Variants in SGO1 observed in about 807,000 individuals in gnomAD.
SGO1 encodes serologically defined breast cancer antigen NY-BR-85.
A neutral mutation model predicts 50.5 loss-of-function variants in SGO1; 39 were observed. The observed-to-expected ratio is 0.77, with a 90% confidence interval of 0.60 to 1.01. The LOEUF (loss-of-function observed/expected upper bound fraction) is 1.01. Among genes scored for constraint, SGO1 ranks in the 50% least tolerant of loss-of-function variants. The pLI is 0.00. For missense variants in SGO1, 638 were observed against 606.0 expected (o/e 1.05, Z -0.55); for synonymous variants, 191 against 205.1 (o/e 0.93, Z 0.59).
At position 20,174,945 on chromosome 3, in the gene SGO1, T is replaced by C; in HGVS notation, c.586A>G (p.Lys196Glu). The C allele has an allele frequency of 6.2e-7, 1 of 1,614,084 alleles. No homozygotes were observed. The highest frequency in any genetic ancestry group is 1.7e-4 in the Middle Eastern group (1 of 6,060). The part of the protein sequence containing the change: ...PRTVSVRSSL[K>E]KHCNSICQFD... ...TGACATATACTGTTACAATGTTTCT[T>C]TAAACTGCTACGAACAGATACAGTT... Residue 196 changes from lysine to glutamate, a missense_variant, in exon 6 of 8, where the codon AAG (lysine) becomes GAG (glutamate). Lys to Glu is a moderately conservative substitution (Grantham distance 56). Transcript: ENST00000412997.
chr3:20,185,922 G>A (rs1350875339), intron 1 of SGO1, 26 bp downstream of exon 1: 1 of 152,164 alleles, frequency 6.6e-6, no homozygotes, highest in Non-Finnish European at 1.5e-5. Context: ...AAGTCAAACA[G>A]GGATCACTAC....
chr3:20,169,274 G>A (rs937446968), downstream of SGO1: 107 of 985,020 alleles, frequency 1.1e-4, no homozygotes, highest in Non-Finnish European at 1.3e-4. Flanking sequence ...AGTTGGGAGA[G>A]AGAAGTGTTA....
intron 8 of SGO1, among the ~76,000 whole-genome samples, chr3:20,163,367 G>T (rs1700136979): frequency 6.6e-6 from 1 of 152,102 alleles, no homozygotes; most frequent in Non-Finnish European, 1.5e-5. Flanking sequence ...TTTTCTTGGA[G>T]TTAGTTCTAA....
downstream of SGO1, among the ~76,000 whole-genome samples, chr3:20,165,366 C>T (rs1039455490): frequency 6.6e-6 from 1 of 152,174 alleles, no homozygotes; most frequent in East Asian, 1.9e-4. Flanking sequence ...CCCCCAGCAA[C>T]ACTGGGGATC....
At chr3:20,162,823 G>A (rs1198348655) in intron 8 of SGO1, among the ~76,000 whole-genome samples, 1 of 150,822 alleles carries the variant, frequency 6.6e-6, no homozygotes, top group Admixed American at 6.6e-5. Context: ...ACAATATCAT[G>A]ACAGAAAAAA....
chr3:20,163,821 T>A (rs1700163231), intron 8 of SGO1, among the ~76,000 whole-genome samples: 1 of 152,174 alleles, frequency 6.6e-6, no homozygotes, highest in South Asian at 2.1e-4. Context: ...ATATTATGAA[T>A]AACATGTCTA....
In SGO1 at chr3:20,174,251, G is replaced by C; in HGVS notation, c.1280C>G (p.Thr427Ser). Residue 427 changes from threonine (T) to serine (S), a missense_variant and splice_region_variant, in exon 6 of 8, where the codon ACC (threonine) becomes AGC (serine). Coordinates refer to ENST00000412997, the MANE Select transcript of SGO1 (RefSeq NM_001199251.3). ...TEGSKPTKTP[T>S]TTPPETQQSP... ...AGGTAAACAAGTAGATCACTTACTG[G>C]TAGGAGTTTTTGTTGGCTTAGAACC... 6.2e-7 allele frequency: 1 copy of C among 1,610,284 alleles called. No individual in the cohort carries two copies. The highest frequency in any genetic ancestry group is 8.5e-7 in the Non-Finnish European group (1 of 1,176,978).
At chr3:20,176,464 A>G (rs1271679069) in intron 5 of SGO1, 137 bp downstream of exon 5, 1 of 584,134 alleles carries the variant, frequency 1.7e-6, no homozygotes, top group Non-Finnish European at 3.0e-6. Flanking sequence ...AAATAAACAG[A>G]TTTGCTTTGA....
chr3:20,172,339 T>C (rs1047402494), intron 6 of SGO1, among the ~76,000 whole-genome samples: 2 of 152,020 alleles, frequency 1.3e-5, no homozygotes, highest in Admixed American at 6.6e-5. Context: ...CTGTCTCTAC[T>C]AAAAATACAA....
At chr3:20,172,641 C>T (rs1156665667) in intron 6 of SGO1, among the ~76,000 whole-genome samples, 2 of 151,298 alleles carry the variant, frequency 1.3e-5, no homozygotes, top group African/African-American at 2.4e-5. Flanking sequence ...CGTTTAAAAA[C>T]GTATTTTTTA....
intron 1 of SGO1, 24 bp downstream of exon 1, chr3:20,185,924 G>C (rs978851141): frequency 1.3e-5 from 2 of 152,140 alleles, no homozygotes; most frequent in Non-Finnish European, 1.5e-5. Context: ...GTCAAACAGG[G>C]ATCACTACGC....
chr3:20,178,804 C>T (rs1200362897), intron 3 of SGO1, among the ~76,000 whole-genome samples: 2 of 152,138 alleles, frequency 1.3e-5, no homozygotes, highest in African/African-American at 2.4e-5. Context: ...AACATAGTCA[C>T]TGAGAACAGT....
downstream of SGO1, among the ~76,000 whole-genome samples, chr3:20,165,584 T>C (rs1391438986): frequency 1.3e-5 from 2 of 152,028 alleles, no homozygotes; most frequent in Non-Finnish European, 2.9e-5. Flanking sequence ...CATGAAAACA[T>C]AGAAAGATAA....
At chr3:20,175,973 G>A (rs1701342918) in intron 5 of SGO1, among the ~76,000 whole-genome samples, 1 of 152,118 alleles carries the variant, frequency 6.6e-6, no homozygotes, top group African/African-American at 2.4e-5. Context: ...TGAATAACTA[G>A]AAAGCTTCTC....
At chr3:20,170,889 T>A in intron 7 of SGO1, 74 bp from the exon 8 acceptor site, 1 of 1,526,154 alleles carries the variant, frequency 6.6e-7, no homozygotes, top group Non-Finnish European at 8.8e-7. Context: ...TACCAAGTTA[T>A]GGTAAAACAC....
intron 8 of SGO1, among the ~76,000 whole-genome samples, chr3:20,163,724 C>A (rs1425861096): frequency 6.6e-6 from 1 of 151,926 alleles, no homozygotes; most frequent in African/African-American, 2.4e-5. Flanking sequence ...ATTCTTGGGG[C>A]AAACGGGAAA....
intron 5 of SGO1, 49 bp from the exon 6 acceptor site, chr3:20,175,104 T>G (rs1451154073): frequency 1.5e-6 from 2 of 1,362,574 alleles, no homozygotes; most frequent in Non-Finnish European, 1.9e-6. Context: ...TTTGTGGAAA[T>G]TTGAATTTCA....
intron 5 of SGO1, among the ~76,000 whole-genome samples, chr3:20,176,232 C>T (rs1000442845): frequency 2.0e-5 from 3 of 152,130 alleles, no homozygotes; most frequent in Non-Finnish European, 4.4e-5. Flanking sequence ...TAGACTTCTT[C>T]ATGTGAGATA....
chr3:20,179,937 A>AACATGGAGGTTTTGGTGACCTTG (rs1176764965), intron 3 of SGO1, among the ~76,000 whole-genome samples: 2 of 152,164 alleles, frequency 1.3e-5, no homozygotes, highest in Non-Finnish European at 2.9e-5. Flanking sequence ...TGAATTTGGT[A>AACATGGAGGTTTTGGTGACCTTG]ACATGGAGGT....
Sources: allele counts gnomAD v4.1 joint callset (sites outside exome capture counted in the v4.1 genomes callset), GRCh38; gene constraint gnomAD v4.1.1; transcripts MANE v1.5; gene names NCBI Gene and HGNC (gene_info 2026-07-23, HGNC 2026-07-21).